Variants in CCSER1 observed in about 807,000 individuals in gnomAD.
CCSER1 encodes the protein serine-rich coiled-coil domain-containing protein 1.
Under a neutral mutation model 82.0 loss-of-function variants are expected in CCSER1, and 41 were observed. The ratio of observed to expected loss-of-function variants is 0.50; its 90% CI spans 0.39 to 0.65. The LOEUF (loss-of-function observed/expected upper bound fraction) is 0.65. CCSER1 is among the 30% of genes least tolerant of loss of function. The pLI is 0.00. For missense variants in CCSER1, 1,119 were observed against 1,064.2 expected (o/e 1.05, Z -0.72); for synonymous variants, 414 against 383.9 (o/e 1.08, Z -0.92).
chr4:91,546,821 T>G (rs1412799393), intron 10 of CCSER1, among the ~76,000 whole-genome samples: 1 of 152,050 alleles, frequency 6.6e-6, no homozygotes, highest in East Asian at 1.9e-4. Context: ...TTTACATGAT[T>G]GATTTTAGAT....
At chr4:91,227,781 T>C (rs1738321310) in intron 10 of CCSER1, among the ~76,000 whole-genome samples, 2 of 151,976 alleles carry the variant, frequency 1.3e-5, no homozygotes, top group African/African-American at 2.4e-5. Context: ...TTACATAACA[T>C]TTAAATTATG....
intron 10 of CCSER1, among the ~76,000 whole-genome samples, chr4:91,562,097 G>T (rs2110256347): frequency 6.6e-6 from 1 of 151,502 alleles, no homozygotes; most frequent in Non-Finnish European, 1.5e-5. Context: ...CAGACATCTA[G>T]AAAATAGGGT....
chr4:90,640,207 T>A (rs138215401), intron 6 of CCSER1, among the ~76,000 whole-genome samples: 135 of 152,288 alleles, frequency 8.9e-4, no homozygotes, highest in Non-Finnish European at 1.5e-3. Context: ...AGTGTTAACT[T>A]GGATAGTCAA....
chr4:90,494,315 G>C (rs1295194343), intron 5 of CCSER1, among the ~76,000 whole-genome samples: 1 of 152,096 alleles, frequency 6.6e-6, no homozygotes, highest in African/African-American at 2.4e-5. Flanking sequence ...CAATAATAAT[G>C]GGAGACTTTA....
chr4:90,978,786 G>T (rs927956903), intron 9 of CCSER1, among the ~76,000 whole-genome samples: 1 of 151,716 alleles, frequency 6.6e-6, no homozygotes, highest in African/African-American at 2.4e-5. Flanking sequence ...AGAAGTCATT[G>T]ATGGGAATTG....
intron 5 of CCSER1, among the ~76,000 whole-genome samples, chr4:90,615,282 A>G (rs2148844070): frequency 6.6e-6 from 1 of 152,336 alleles, no homozygotes; most frequent in East Asian, 1.9e-4. Context: ...TCTGTAGCTC[A>G]TGGATCGTTG....
chr4:90,964,860 C>T lies in CCSER1; in HGVS notation c.2172+41413C>T, dbSNP rs545880144. 2.5e-4 allele frequency among the ~76,000 whole-genome samples: 38 copies of T among 151,622 alleles called. No individual in the cohort carries two copies. The South Asian group carries it at 7.5e-3, about 30-fold the overall frequency. On this transcript the variant is annotated intron_variant, in intron 9 of 10. Transcript: ENST00000509176. ...GTTTATTAGGGGTAAATGGTTGAAT[C>T]TCAGTTCTAACAGCAAACATTGTGT... is the stretch of plus-strand genomic sequence containing the variant.
At chr4:90,462,134 G>A (rs1467877485) in intron 4 of CCSER1, among the ~76,000 whole-genome samples, 1 of 151,616 alleles carries the variant, frequency 6.6e-6, no homozygotes, top group South Asian at 2.1e-4. Context: ...ATATTTACTG[G>A]TTCAGTAAAT....
chr4:90,373,824 G>A (rs1747867754), intron 3 of CCSER1, among the ~76,000 whole-genome samples: 1 of 152,110 alleles, frequency 6.6e-6, no homozygotes, highest in African/African-American at 2.4e-5. Context: ...TTGGAACAAA[G>A]GACAAGTATG....
chr4:91,026,088 C>T (rs886394172), intron 9 of CCSER1, among the ~76,000 whole-genome samples: 1 of 152,126 alleles, frequency 6.6e-6, no homozygotes, highest in African/African-American at 2.4e-5. Context: ...CATTCTGCAT[C>T]TTAGGGTGTT....
intron 9 of CCSER1, chr4:90,951,029 C>T (rs1732857044): frequency 6.6e-6 from 1 of 151,954 alleles, no homozygotes; most frequent in South Asian, 2.1e-4. Context: ...GAGTATTAGC[C>T]TAGAAATTTT....
At chr4:91,067,719 G>T (rs116917303) in intron 9 of CCSER1, among the ~76,000 whole-genome samples, 1 of 152,166 alleles carries the variant, frequency 6.6e-6, no homozygotes, top group Non-Finnish European at 1.5e-5. Flanking sequence ...TCCCTAAGGA[G>T]CCTCAGTGTT....
chr4:90,396,400 C>T (rs933493459), intron 3 of CCSER1, among the ~76,000 whole-genome samples: 1 of 152,078 alleles, frequency 6.6e-6, no homozygotes, highest in East Asian at 1.9e-4. Context: ...GGTTTACTTA[C>T]AGATCCTTGG....
At chr4:90,758,561 T>G (rs1749915092) in intron 7 of CCSER1, among the ~76,000 whole-genome samples, 1 of 152,320 alleles carries the variant, frequency 6.6e-6, no homozygotes, top group African/African-American at 2.4e-5. Flanking sequence ...TTACTGTTCA[T>G]CTCATACTTA....
At chr4:90,887,109 C>T (rs1446941856) in intron 8 of CCSER1, among the ~76,000 whole-genome samples, 2 of 151,946 alleles carry the variant, frequency 1.3e-5, no homozygotes, top group African/African-American at 4.8e-5. Flanking sequence ...ATTTTTTAGG[C>T]ATCAGGTTTC....
At chr4:91,265,685 T>C (rs767959734) in intron 10 of CCSER1, among the ~76,000 whole-genome samples, 2 of 152,192 alleles carry the variant, frequency 1.3e-5, no homozygotes, top group Non-Finnish European at 2.9e-5. Flanking sequence ...TTAAATTGTA[T>C]TGTTATTAAG....
chr4:90,801,080 A>G (rs1015071264), intron 7 of CCSER1, among the ~76,000 whole-genome samples: 17 of 152,292 alleles, frequency 1.1e-4, no homozygotes, highest in Non-Finnish European at 2.4e-4. Flanking sequence ...AGAGGACACT[A>G]ACAAATTGGA....
intron 9 of CCSER1, among the ~76,000 whole-genome samples, chr4:90,932,992 G>GAA (rs1491276000): frequency 2.3e-5 from 1 of 44,318 alleles, no homozygotes; most frequent in Non-Finnish European, 4.1e-5. Context: ...GAGAAAGAAA[G>GAA]AAAGAAAGAA....
chr4:90,539,244 G>A (rs1775796316), intron 5 of CCSER1, among the ~76,000 whole-genome samples: 1 of 151,868 alleles, frequency 6.6e-6, no homozygotes. Flanking sequence ...GGGTCCATAG[G>A]TTTTACAAAA....
Sources: allele counts gnomAD v4.1 joint callset (sites outside exome capture counted in the v4.1 genomes callset), GRCh38; gene constraint gnomAD v4.1.1; transcripts MANE v1.5; gene names NCBI Gene and HGNC (gene_info 2026-07-23, HGNC 2026-07-21).